MEIG1: variants seen among roughly 807,000 people sequenced by gnomAD.
MEIG1 encodes meiosis/spermiogenesis associated 1.
A neutral mutation model predicts 11.3 loss-of-function variants in MEIG1; 12 were observed. The ratio of observed to expected loss-of-function variants is 1.07; its 90% CI spans 0.68 to 1.73. The LOEUF (loss-of-function observed/expected upper bound fraction) is 1.73, where lower values mean the gene tolerates loss of function less well. MEIG1 is among the 40% of genes most tolerant of loss of function. The pLI is 0.00. For missense variants in MEIG1, 119 were observed against 104.9 expected, an observed-to-expected ratio of 1.13 and a Z score of -0.59; for synonymous variants, 41 against 33.2, an observed-to-expected ratio of 1.24 and a Z score of -0.81.
At chr10:14,968,466 C>A (rs1190626161) in intron 2 of MEIG1, among the ~76,000 whole-genome samples, 2 of 151,814 alleles carry the variant, frequency 1.3e-5, no homozygotes, top group Non-Finnish European at 2.9e-5. Flanking sequence ...ACAGCCTGGG[C>A]AACAAAGCGA....
At chr10:14,969,592 T>G (rs2131271221) in intron 2 of MEIG1, among the ~76,000 whole-genome samples, 1 of 152,312 alleles carries the variant, frequency 6.6e-6, no homozygotes, top group East Asian at 1.9e-4. Flanking sequence ...CCTAGCACTT[T>G]GGGAGGCAGA....
At chr10:14,964,608 TACACACACACACAC>T (rs1220258184) in intron 1 of MEIG1, among the ~76,000 whole-genome samples, 22 of 90,724 alleles carry the variant, frequency 2.4e-4, no homozygotes, top group African/African-American at 9.1e-4. Context: ...TATATATATA[TACACACACACACAC>T]ATATATATGT....
chr10:14,987,722 C>A (rs1457019810), intron 2 of MEIG1: 4 of 238,578 alleles, frequency 1.7e-5, no homozygotes, highest in East Asian at 1.1e-4. Context: ...CCGTGATCTC[C>A]GTAAAATACG....
chr10:14,957,936 G>A (rs542081211), upstream of MEIG1, among the ~76,000 whole-genome samples: 13 of 152,316 alleles, frequency 8.5e-5, no homozygotes, highest in Non-Finnish European at 1.2e-4. Context: ...GTGAGCCACC[G>A]CGCCCGGCCT....
chr10:14,987,271 G>C, intron 2 of MEIG1: 1 of 807,100 alleles, frequency 1.2e-6, no homozygotes, highest in East Asian at 2.7e-5. Context: ...GGGTATGGAG[G>C]GGGGAGTCAG....
chr10:14,984,159 G>C (rs538991246), intron 1 of MEIG1, among the ~76,000 whole-genome samples: 11 of 151,816 alleles, frequency 7.2e-5, no homozygotes, highest in Admixed American at 3.9e-4. Context: ...ACGGTGGATC[G>C]TCATATCCAG....
At chr10:14,954,732 T>C (rs905146144), upstream of MEIG1, among the ~76,000 whole-genome samples, 1 of 151,990 alleles carries the variant, frequency 6.6e-6, no homozygotes, top group Non-Finnish European at 1.5e-5. Flanking sequence ...AATGATGTAC[T>C]TAAAAAAAGA....
intron 1 of MEIG1, among the ~76,000 whole-genome samples, chr10:14,980,086 G>T (rs1208123635): frequency 6.6e-6 from 1 of 151,848 alleles, no homozygotes; most frequent in East Asian, 1.9e-4. Flanking sequence ...GCTGGATATT[G>T]TTACTAGTGT....
At chr10:14,954,379 G>A in the MEIG1 span, 4 of 368,550 alleles carry the variant, frequency 1.1e-5, no homozygotes, top group Non-Finnish European at 2.1e-5. Context: ...GGTGGCCCCA[G>A]CCGACGAGGT....
At chr10:14,957,246 C>T (rs1033085397), upstream of MEIG1, among the ~76,000 whole-genome samples, 7 of 152,094 alleles carry the variant, frequency 4.6e-5, no homozygotes, top group African/African-American at 9.7e-5. Flanking sequence ...GTTGAGGATA[C>T]GGAGGTTAAG....
intron 1 of MEIG1, among the ~76,000 whole-genome samples, chr10:14,984,513 T>C (rs1000006787): frequency 1.3e-5 from 2 of 152,118 alleles, no homozygotes; most frequent in Non-Finnish European, 2.9e-5. Context: ...GTACACCTTG[T>C]GGTCTTATTC....
chr10:14,987,732 G>T lies in MEIG1; in HGVS notation n.286-56G>T, dbSNP rs1162053072. The T allele has an allele frequency of 4.1e-5, 9 of 219,530 alleles. No individual in the cohort carries two copies. In the South Asian group the frequency reaches 6.1e-4, roughly 15 times the overall value. 13.6% of individuals were successfully genotyped at this position (219,530 alleles called of 1,614,324 possible). On this transcript the variant is annotated intron_variant and non_coding_transcript_variant, in intron 2 of 2. Coordinates refer to the MEIG1 transcript ENST00000467536. The stretch of plus-strand genomic sequence containing the variant: ...CAAATCCGTGATCTCCGTAAAATAC[G>T]GCCTACTCTTTTCAGAAAAAACACA...
chr10:14,984,526 C>A (rs764586823), intron 1 of MEIG1, among the ~76,000 whole-genome samples: 2 of 152,130 alleles, frequency 1.3e-5, no homozygotes, highest in Admixed American at 6.5e-5. Context: ...TCTTATTCTT[C>A]TTCTCCTAAG....
At chr10:14,971,367 C>CA (rs10560526) in intron 2 of MEIG1, among the ~76,000 whole-genome samples, 20 of 147,092 alleles carry the variant, frequency 1.4e-4, no homozygotes, top group South Asian at 2.2e-4. Flanking sequence ...CCTGTCTCTA[C>CA]AAAAAAAAAA....
intron 1 of MEIG1, among the ~76,000 whole-genome samples, chr10:14,985,003 G>A (rs542133682): frequency 6.6e-6 from 1 of 152,054 alleles, no homozygotes; most frequent in Non-Finnish European, 1.5e-5. Flanking sequence ...TTCACAATGC[G>A]TGTACACCCT....
intron 1 of MEIG1, among the ~76,000 whole-genome samples, chr10:14,984,005 G>A (rs550123600): frequency 2.0e-5 from 3 of 152,176 alleles, no homozygotes; most frequent in South Asian, 2.1e-4. Context: ...AAACACTCCC[G>A]AGATATTGTT....
At chr10:14,974,698 T>C (rs188592975), downstream of MEIG1, among the ~76,000 whole-genome samples, 1 of 152,104 alleles carries the variant, frequency 6.6e-6, no homozygotes. Flanking sequence ...TAATTCACAT[T>C]AAAGAGTTAT....
At chr10:14,980,481 G>A (rs565180892) in intron 1 of MEIG1, among the ~76,000 whole-genome samples, 1 of 152,086 alleles carries the variant, frequency 6.6e-6, no homozygotes, top group Non-Finnish European at 1.5e-5. Context: ...TATCGCAGGG[G>A]CTGTACACCT....
intron 1 of MEIG1, among the ~76,000 whole-genome samples, chr10:14,982,409 CTT>C (rs1445245403): frequency 6.6e-6 from 1 of 152,166 alleles, no homozygotes; most frequent in East Asian, 1.9e-4. Flanking sequence ...TTGGAGGACT[CTT>C]TGCCTTTCAT....
Sources: allele counts gnomAD v4.1 joint callset (sites outside exome capture counted in the v4.1 genomes callset), GRCh38; gene constraint gnomAD v4.1.1; transcripts MANE v1.5; gene names NCBI Gene and HGNC (gene_info 2026-07-23, HGNC 2026-07-21).